Variants in MBNL2 observed in about 807,000 individuals in gnomAD.
The protein encoded by MBNL2 is muscleblind like splicing regulator 2.
MBNL2 carries 17 observed loss-of-function variants against 41.9 expected under a neutral mutation model. The observed-to-expected ratio is 0.41, with a 90% CI of 0.28 to 0.61. MBNL2 has a LOEUF of 0.61. MBNL2 is among the 20% of genes least tolerant of loss of function. The probability of loss-of-function intolerance (pLI) is 0.35; values close to 1 mark genes in which losing one functional copy is unlikely to be tolerated. For missense variants in MBNL2, 336 were observed against 505.6 expected (o/e 0.66, Z 3.22); for synonymous variants, 195 against 182.9 (o/e 1.07, Z -0.53).
chr13:97,252,234 A>G (rs537765269), intron 1 of MBNL2, among the ~76,000 whole-genome samples: 216 of 152,300 alleles, frequency 1.4e-3, no homozygotes, highest in Non-Finnish European at 2.7e-3. Context: ...TTCTTTCCAT[A>G]ATAACAAATT....
chr13:97,245,590 A>G (rs1594086560), intron 1 of MBNL2, among the ~76,000 whole-genome samples: 1 of 152,312 alleles, frequency 6.6e-6, no homozygotes, highest in Non-Finnish European at 1.5e-5. Context: ...TTTAGACCCT[A>G]AGTAAAGAAA....
rs755908876 is a variant in MBNL2, at chr13:97,310,257, A to G, written c.175-24019A>G. ...TCTCTCTAGCTTCAGGGTCTGTACC[A>G]TAAAAAGAGGGGATTGTCCTGGATC... On this transcript the variant is annotated intron_variant, in intron 2 of 8. Coordinates refer to ENST00000679496, the MANE Select transcript of MBNL2 (RefSeq NM_001382683.1). 9.8e-4 allele frequency among the ~76,000 whole-genome samples: 150 copies of G among 152,322 alleles called. 1 individual carries two copies. The highest frequency in any genetic ancestry group is 3.4e-3 in the Admixed American group (52 of 15,312).
intron 8 of MBNL2, among the ~76,000 whole-genome samples, chr13:97,373,260 A>T (rs1303188001): frequency 6.6e-6 from 1 of 152,162 alleles, no homozygotes; most frequent in Non-Finnish European, 1.5e-5. Context: ...TCTCTGCCTT[A>T]TGCTGCCTAA....
chr13:97,236,737 C>T (rs1332999234), intron 1 of MBNL2, among the ~76,000 whole-genome samples: 1 of 152,128 alleles, frequency 6.6e-6, no homozygotes, highest in Admixed American at 6.5e-5. Context: ...TGACAGCCAG[C>T]TTATCATTCT....
At chr13:97,252,357 A>G (rs1246036279) in intron 1 of MBNL2, among the ~76,000 whole-genome samples, 1 of 152,196 alleles carries the variant, frequency 6.6e-6, no homozygotes, top group African/African-American at 2.4e-5. Context: ...TGTTGCTTCC[A>G]GAGATATGCC....
the MBNL2 span, among the ~76,000 whole-genome samples, chr13:97,176,260 T>G: frequency 3.3e-5 from 5 of 152,132 alleles, no homozygotes; most frequent in Non-Finnish European, 7.4e-5. Flanking sequence ...GGCATTATAT[T>G]TTGAGGGTGA....
At chr13:97,266,280 C>G (rs1275663565) in intron 1 of MBNL2, among the ~76,000 whole-genome samples, 1 of 152,110 alleles carries the variant, frequency 6.6e-6, no homozygotes, top group East Asian at 1.9e-4. Flanking sequence ...TTAATTAAAA[C>G]AAAACCAATT....
At chr13:97,258,905 T>C (rs1242890482) in intron 1 of MBNL2, among the ~76,000 whole-genome samples, 1 of 152,134 alleles carries the variant, frequency 6.6e-6, no homozygotes, top group Non-Finnish European at 1.5e-5. Context: ...AGTTCAGACA[T>C]ATGTTAACCC....
chr13:97,372,401 T>C (rs1896639368), intron 8 of MBNL2, among the ~76,000 whole-genome samples: 1 of 152,144 alleles, frequency 6.6e-6, no homozygotes, highest in Non-Finnish European at 1.5e-5. Context: ...GTTGATAATA[T>C]GTCATAAAGG....
intron 2 of MBNL2, among the ~76,000 whole-genome samples, chr13:97,282,100 C>G (rs1249730252): frequency 6.6e-6 from 1 of 151,942 alleles, no homozygotes; most frequent in African/African-American, 2.4e-5. Context: ...ACCTGTAGTC[C>G]CAGCACTTTG....
intron 5 of MBNL2, among the ~76,000 whole-genome samples, chr13:97,352,797 A>C (rs1174019999): frequency 1.3e-5 from 2 of 152,238 alleles, no homozygotes; most frequent in African/African-American, 2.4e-5. Flanking sequence ...ACTTATTAAC[A>C]CAACATATCA....
At chr13:97,211,227 A>G in the MBNL2 span, among the ~76,000 whole-genome samples, 10 of 152,258 alleles carry the variant, frequency 6.6e-5, no homozygotes, top group East Asian at 1.9e-3. Context: ...AGGATCCATG[A>G]TTGTAAGCTC....
At chr13:97,208,458 A>G in the MBNL2 span, among the ~76,000 whole-genome samples, 72 of 152,214 alleles carry the variant, frequency 4.7e-4, no homozygotes, top group Non-Finnish European at 3.1e-4. Flanking sequence ...CTTGGCCCAG[A>G]TTGTACAATA....
At chr13:97,259,676 A>G (rs1051616517) in intron 1 of MBNL2, among the ~76,000 whole-genome samples, 1 of 152,240 alleles carries the variant, frequency 6.6e-6, no homozygotes, top group Non-Finnish European at 1.5e-5. Context: ...AGCCTTGCCA[A>G]TCACTGTACA....
rs984984301 is a variant in MBNL2 at position 97,305,479 on chromosome 13, A to G, written c.175-28797A>G. Among the ~76,000 whole-genome samples, 5 of 152,272 alleles carry G rather than the reference A, an allele frequency of 3.3e-5. No homozygotes were observed. In the South Asian group the frequency reaches 1.0e-3, roughly 32 times the overall value. ...CTAAATCATGACTTCAAAATCCCAA[A>G]TCAGCTGGGTATGGTGATTCATGCT... On this transcript the variant is annotated intron_variant, in intron 2 of 8. Coordinates refer to ENST00000679496, the MANE Select transcript of MBNL2 (RefSeq NM_001382683.1).
At chr13:97,159,389 C>T in the MBNL2 span, among the ~76,000 whole-genome samples, 2 of 151,712 alleles carry the variant, frequency 1.3e-5, no homozygotes, top group African/African-American at 4.9e-5. Context: ...GCATTTAGTC[C>T]ATTTACATTT....
intron 4 of MBNL2, among the ~76,000 whole-genome samples, chr13:97,345,609 TC>T (rs2153085646): frequency 6.6e-6 from 1 of 152,302 alleles, no homozygotes; most frequent in Non-Finnish European, 1.5e-5. Flanking sequence ...GTCTTTTTTT[TC>T]TTTTCTGTGC....
chr13:97,147,053 CAG>C, the MBNL2 span, among the ~76,000 whole-genome samples: 1 of 152,238 alleles, frequency 6.6e-6, no homozygotes, highest in South Asian at 2.1e-4. Context: ...ACATTGGAAA[CAG>C]AACATAATGG....
chr13:97,274,475 T>C (rs1484331685), intron 1 of MBNL2, among the ~76,000 whole-genome samples: 3 of 151,876 alleles, frequency 2.0e-5, no homozygotes, highest in Admixed American at 6.6e-5. Context: ...CTAGCCTGGG[T>C]GACAGGGTCC....
Sources: allele counts gnomAD v4.1 joint callset (sites outside exome capture counted in the v4.1 genomes callset), GRCh38; gene constraint gnomAD v4.1.1; transcripts MANE v1.5; gene names NCBI Gene and HGNC (gene_info 2026-07-23, HGNC 2026-07-21).